Variants in NAALADL2 observed in about 807,000 individuals in gnomAD.
The protein encoded by NAALADL2 is N-acetylated alpha-linked acidic dipeptidase like 2.
In NAALADL2, 76 loss-of-function variants were observed where a neutral mutation model predicts 87.2. That is an observed-to-expected ratio of 0.87 (90% CI 0.72 to 1.05). The LOEUF (loss-of-function observed/expected upper bound fraction) is 1.05. Among genes scored for constraint, NAALADL2 ranks in the 50% least tolerant of loss-of-function variants. NAALADL2 has a pLI of 0.00. For synonymous variants in NAALADL2, 354 were observed against 331.0 expected (o/e 1.07, Z -0.75); for missense variants, 1,089 against 945.8 (o/e 1.15, Z -1.99).
chr3:175,599,092 T>A (rs1582567432), intron 10 of NAALADL2, among the ~76,000 whole-genome samples: 1 of 152,118 alleles, frequency 6.6e-6, no homozygotes, highest in East Asian at 1.9e-4. Flanking sequence ...CAATAACATA[T>A]TAGCAAACCT....
intron 1 of NAALADL2, among the ~76,000 whole-genome samples, chr3:175,021,521 A>G (rs1751561261): frequency 6.6e-6 from 1 of 152,022 alleles, no homozygotes; most frequent in African/African-American, 2.4e-5. Flanking sequence ...GAGTGCACTA[A>G]TAAAGGTGTG....
chr3:175,473,750 G>A (rs556305258), intron 9 of NAALADL2, among the ~76,000 whole-genome samples: 1 of 151,884 alleles, frequency 6.6e-6, no homozygotes, highest in Non-Finnish European at 1.5e-5. Flanking sequence ...TTCACCAGTA[G>A]TAAAAATTAA....
intron 2 of NAALADL2, among the ~76,000 whole-genome samples, chr3:174,698,960 T>C (rs62286813): frequency 7.2e-6 from 1 of 139,654 alleles, no homozygotes. Context: ...TGTGTGTGTG[T>C]GTGCGTGTAT....
intron 9 of NAALADL2, among the ~76,000 whole-genome samples, chr3:175,486,372 T>TA (rs1187577392): frequency 2.4e-4 from 36 of 152,254 alleles, no homozygotes; most frequent in Non-Finnish European, 4.3e-4. Context: ...TAATCCTCAC[T>TA]ACGTAGTCTC....
intron 3 of NAALADL2, among the ~76,000 whole-genome samples, chr3:174,840,845 G>T (rs1449953798): frequency 6.6e-6 from 1 of 152,086 alleles, no homozygotes; most frequent in African/African-American, 2.4e-5. Flanking sequence ...CTGCTTGGGG[G>T]AAGGCTGGAT....
intron 1 of NAALADL2, among the ~76,000 whole-genome samples, chr3:174,911,081 A>C (rs1417558842): frequency 1.3e-5 from 2 of 152,094 alleles, no homozygotes. Context: ...AGTGCAATGG[A>C]ATTGCCATCC....
chr3:174,985,361 A>G (rs368111066), intron 1 of NAALADL2, among the ~76,000 whole-genome samples: 174 of 152,292 alleles, frequency 1.1e-3, no homozygotes, highest in African/African-American at 4.0e-3. Flanking sequence ...ACCTCTGGCC[A>G]TCTTTGAGTG....
intron 11 of NAALADL2, among the ~76,000 whole-genome samples, chr3:175,731,799 T>G (rs980005662): frequency 2.0e-5 from 3 of 152,164 alleles, no homozygotes; most frequent in African/African-American, 7.2e-5. Flanking sequence ...CAAAACAGCT[T>G]TCTCCAGCAG....
At chr3:175,655,695 T>TAAATAAAATAAAATA (rs55666338) in intron 11 of NAALADL2, 1 of 147,984 alleles carries the variant, frequency 6.8e-6, no homozygotes, top group Non-Finnish European at 1.5e-5. Flanking sequence ...CTTAAAAAAA[T>TAAATAAAATAAAATA]AAATAAAATA....
chr3:175,701,375 A>G (rs1303747462), intron 11 of NAALADL2, among the ~76,000 whole-genome samples: 2 of 152,112 alleles, frequency 1.3e-5, no homozygotes, highest in Admixed American at 6.6e-5. Flanking sequence ...TTAACTGATC[A>G]TTGCAGATTG....
intron 1 of NAALADL2, among the ~76,000 whole-genome samples, chr3:175,045,967 ACACT>A (rs144577112): frequency 0.01 from 1,521 of 152,096 alleles, 33 homozygotes; most frequent in African/African-American, 0.034. Flanking sequence ...GAGATAAGAG[ACACT>A]CAACAAGAAC....
At chr3:175,064,417 G>A (rs993812659) in intron 1 of NAALADL2, among the ~76,000 whole-genome samples, 1 of 152,120 alleles carries the variant, frequency 6.6e-6, no homozygotes, top group Admixed American at 6.6e-5. Context: ...CTCAAGCTGA[G>A]TAAAGATGTA....
intron 9 of NAALADL2, among the ~76,000 whole-genome samples, chr3:175,534,479 C>T (rs1268772138): frequency 6.6e-6 from 1 of 152,054 alleles, no homozygotes; most frequent in Non-Finnish European, 1.5e-5. Context: ...CATTTTTCTG[C>T]CTGCTTTAAA....
intron 12 of NAALADL2, among the ~76,000 whole-genome samples, chr3:175,744,660 C>G (rs1188861387): frequency 6.6e-6 from 1 of 152,110 alleles, no homozygotes; most frequent in Non-Finnish European, 1.5e-5. Flanking sequence ...AAAGATTATT[C>G]AAATAGTTGC....
intron 1 of NAALADL2, among the ~76,000 whole-genome samples, chr3:175,008,666 A>T (rs1010714529): frequency 6.6e-6 from 1 of 152,084 alleles, no homozygotes; most frequent in Non-Finnish European, 1.5e-5. Context: ...CTTTGTGTTC[A>T]ATTTTGAGGA....
chr3:174,800,723 A>T (rs1208211085), intron 3 of NAALADL2, among the ~76,000 whole-genome samples: 1 of 152,146 alleles, frequency 6.6e-6, no homozygotes, highest in Admixed American at 6.5e-5. Flanking sequence ...TATGCTAAAC[A>T]CCAGCCCATG....
intron 3 of NAALADL2, among the ~76,000 whole-genome samples, chr3:174,787,317 T>C (rs1397185348): frequency 6.6e-6 from 1 of 151,434 alleles, no homozygotes; most frequent in Non-Finnish European, 1.5e-5. Context: ...GCATCTCATT[T>C]TGTTTACATT....
At chr3:175,390,905 G>C (rs542872937) in intron 5 of NAALADL2, among the ~76,000 whole-genome samples, 2 of 152,118 alleles carry the variant, frequency 1.3e-5, no homozygotes, top group South Asian at 2.1e-4. Context: ...CCTGTACTAA[G>C]TAGCACCTTT....
At chr3:174,959,908 C>G (rs1410318469) in intron 1 of NAALADL2, among the ~76,000 whole-genome samples, 1 of 151,976 alleles carries the variant, frequency 6.6e-6, no homozygotes, top group Non-Finnish European at 1.5e-5. Context: ...CAAGATTTGT[C>G]CTTATCTTAT....
Sources: gnomAD v4.1 joint callset for allele counts (sites outside exome capture counted in the v4.1 genomes callset) on GRCh38, gnomAD v4.1.1 for gene constraint, MANE v1.5 for transcripts, NCBI Gene and HGNC (gene_info 2026-07-23, HGNC 2026-07-21) for gene names.